Variants in PRRT1B observed in about 807,000 individuals in gnomAD.
The protein encoded by PRRT1B is proline rich transmembrane protein 1B.
chr9:131,556,485 A>G (rs552226322), intron 3 of PRRT1B, among the ~76,000 whole-genome samples: 4 of 152,300 alleles, frequency 2.6e-5, no homozygotes, highest in South Asian at 2.1e-4. Flanking sequence ...TGTGCTGCCC[A>G]TTCCAGTGGA....
In PRRT1B at chr9:131,547,718, CGG is replaced by C. The variant is rs1216627065; in HGVS notation, c.25+2080_25+2081del. On this transcript the variant is annotated intron_variant, in intron 1 of 3. Transcript: ENST00000636672. The stretch of plus-strand genomic sequence containing the variant: ...CGTGAGAAAGATCCACCTACGACCT[CGG>C]GTCCTCAGACCAACCAGCCCAAGGA... Among the ~76,000 whole-genome samples, 9 of 152,274 alleles carry C rather than the reference CGG, an allele frequency of 5.9e-5. No homozygotes were observed. In the East Asian group the frequency reaches 1.7e-3, roughly 29 times the overall value.
chr9:131,551,672 T>C lies in PRRT1B; in HGVS notation c.26-2885T>C, dbSNP rs935911047. The stretch of plus-strand genomic sequence containing the variant: ...CCTGTTCCTGCCTTAACTGATGACA[T>C]TACCTTGTGAAATTCCTTCTCCTGG... On this transcript the variant is annotated intron_variant, in intron 1 of 3. Coordinates refer to ENST00000636672, the Ensembl canonical transcript of PRRT1B. This position sits in a 1 kb window ranked among gnomAD's most constrained non-coding sequence, Gnocchi z 4.4. 9.9e-5 allele frequency among the ~76,000 whole-genome samples: 15 copies of C among 152,044 alleles called. No individual in the cohort carries two copies. Among genetic ancestry groups the C allele is most frequent in the Admixed American group, 3.9e-4 (6 of 15,250 alleles).
At chr9:131,546,941 C>T (rs1242790680) in intron 1 of PRRT1B, among the ~76,000 whole-genome samples, 1 of 152,014 alleles carries the variant, frequency 6.6e-6, no homozygotes, top group Non-Finnish European at 1.5e-5. Context: ...CTGAGACCCA[C>T]GTTTCTTGCT....
chr9:131,546,304 G>T (rs766440523), intron 1 of PRRT1B, among the ~76,000 whole-genome samples: 2 of 152,194 alleles, frequency 1.3e-5, no homozygotes, highest in Non-Finnish European at 2.9e-5. Flanking sequence ...ACCGAGAGAG[G>T]TGGGGTGGGG....
rs139952379 is a variant in PRRT1B, at chr9:131,551,796, C to T, written c.26-2761C>T. Among the ~76,000 whole-genome samples the T allele has an allele frequency of 3.1e-4, 43 of 138,506 alleles. No homozygotes were observed. Among genetic ancestry groups the T allele is most frequent in the African/African-American group, 7.7e-4 (28 of 36,552 alleles). The allele number at this position is 138,506 out of a possible 152,430, so 90.9% of individuals were successfully genotyped here. A position where few individuals can be genotyped will look rare whatever the true frequency, so the allele number is the denominator to read the frequency against. On this transcript the variant is annotated intron_variant, in intron 1 of 3. Transcript: ENST00000636672. This position sits in a 1 kb window ranked among gnomAD's most constrained non-coding sequence, Gnocchi z 4.4. ...TTTGACTGTAATTTTCCTTTACCTA[C>T]GCAAATCCTATAAGACGGCCCACCC...
At chr9:131,548,471 C>T (rs1398523353) in intron 1 of PRRT1B, among the ~76,000 whole-genome samples, 1 of 152,150 alleles carries the variant, frequency 6.6e-6, no homozygotes, top group African/African-American at 2.4e-5. Context: ...ATAGCCAGAA[C>T]ACGGCACTTT....
chr9:131,549,109 C>T (rs1457064794), intron 1 of PRRT1B, among the ~76,000 whole-genome samples: 3 of 152,124 alleles, frequency 2.0e-5, no homozygotes, highest in Admixed American at 6.6e-5. Flanking sequence ...AATCCGCTCC[C>T]GACATTAAAT....
chr9:131,547,683 C>T (rs375824468), intron 1 of PRRT1B, among the ~76,000 whole-genome samples: 1 of 152,200 alleles, frequency 6.6e-6, no homozygotes, highest in Non-Finnish European at 1.5e-5. Context: ...TGTCCTCCTG[C>T]TCTTTGCTCC....
exon 2 of PRRT1B, chr9:131,554,909 C>T: frequency 2.6e-6 from 1 of 385,250 alleles, no homozygotes; most frequent in Non-Finnish European, 4.6e-6. Context: ...CGCAGGTGCC[C>T]GTGGTCCTGC....
At chr9:131,547,041 G>C (rs1179027223) in intron 1 of PRRT1B, among the ~76,000 whole-genome samples, 2 of 148,048 alleles carry the variant, frequency 1.4e-5, no homozygotes, top group African/African-American at 5.1e-5. Flanking sequence ...AAAGCTCTCA[G>C]AGCAGAGCCT....
At chr9:131,547,065 C>CTTTTTTTTTTTTTTTTTT (rs549825970) in intron 1 of PRRT1B, among the ~76,000 whole-genome samples, 4 of 100,768 alleles carry the variant, frequency 4.0e-5, no homozygotes, top group African/African-American at 2.0e-4. Context: ...CTCCTGTTCG[C>CTTTTTTTTTTTTTTTTTT]TTTTTTTTTT....
chr9:131,556,236 G>C (rs1588552016), intron 3 of PRRT1B, 23 bp downstream of exon 3: 1 of 400,938 alleles, frequency 2.5e-6, no homozygotes, highest in East Asian at 3.6e-5. Context: ...GCGGCCCTGG[G>C]CACAGCCTCT....
intron 1 of PRRT1B, among the ~76,000 whole-genome samples, chr9:131,547,281 C>T (rs892751623): frequency 3.4e-4 from 52 of 152,108 alleles, no homozygotes; most frequent in African/African-American, 1.2e-3. Context: ...ATCCAGATGG[C>T]GGGTTCCTGC....
chr9:131,552,573 A>G (rs1378799795), intron 1 of PRRT1B, among the ~76,000 whole-genome samples: 1 of 152,056 alleles, frequency 6.6e-6, no homozygotes, highest in African/African-American at 2.4e-5. Context: ...TTCACCTTCT[A>G]TGAGTGGCAT....
At chr9:131,550,037 C>T (rs776649366) in intron 1 of PRRT1B, among the ~76,000 whole-genome samples, 1 of 152,064 alleles carries the variant, frequency 6.6e-6, no homozygotes, top group South Asian at 2.1e-4. Flanking sequence ...ACTTAATCAC[C>T]CTTACCCTGC....
intron 1 of PRRT1B, among the ~76,000 whole-genome samples, chr9:131,547,981 T>A (rs1305624153): frequency 1.3e-5 from 2 of 152,196 alleles, no homozygotes; most frequent in African/African-American, 4.8e-5. Context: ...CCCTTGGTGT[T>A]TAATCATTGC....
chr9:131,554,933 T>C (rs1443196070), exon 2 of PRRT1B: 1 of 386,986 alleles, frequency 2.6e-6, no homozygotes, highest in Non-Finnish European at 4.6e-6. Context: ...CCGCGCCGTC[T>C]GCGCTCTTCC....
intron 1 of PRRT1B, among the ~76,000 whole-genome samples, chr9:131,552,376 G>T (rs561440043): frequency 6.6e-6 from 1 of 152,316 alleles, no homozygotes; most frequent in Admixed American, 6.5e-5. Context: ...CTCAGGGTTG[G>T]CATCTGCTGA....
intron 3 of PRRT1B, among the ~76,000 whole-genome samples, chr9:131,557,519 C>T (rs1951058265): frequency 2.6e-5 from 4 of 152,230 alleles, no homozygotes; most frequent in South Asian, 2.1e-4. Context: ...GCCTGTGAGA[C>T]GGAGCAAGAC....
Sources: allele counts gnomAD v4.1 joint callset (sites outside exome capture counted in the v4.1 genomes callset), GRCh38; gene constraint gnomAD v4.1.1; non-coding constraint Gnocchi (gnomAD v3.1); transcripts MANE v1.5; gene names NCBI Gene and HGNC (gene_info 2026-07-23, HGNC 2026-07-21).